Variants in SORCS1 observed in about 807,000 individuals in gnomAD.
SORCS1 encodes the protein sortilin related VPS10 domain containing receptor 1.
SORCS1 carries 60 observed loss-of-function variants against 146.1 expected under a neutral mutation model. That is an observed-to-expected ratio of 0.41 (90% CI 0.33 to 0.51). SORCS1 has a LOEUF of 0.51. Among genes scored for constraint, SORCS1 ranks in the 20% least tolerant of loss-of-function variants. The pLI is 0.21. For missense variants in SORCS1, 1,352 were observed against 1,487.6 expected, an observed-to-expected ratio of 0.91 and a Z score of 1.50; for synonymous variants, 637 against 584.0, an observed-to-expected ratio of 1.09 and a Z score of -1.31.
At position 106,577,328 on chromosome 10, in the gene SORCS1, C is replaced by T. The variant is rs144559779; in HGVS notation, c.*92G>A. 73 of 1,599,454 alleles carry T rather than the reference C, an allele frequency of 4.6e-5. No individual in the cohort carries two copies. In the African/African-American group the frequency reaches 5.1e-4, roughly 11 times the overall value. ...AGAACAACAAAGGAAAGAAAAAAAA[C>T]ACAAAGTTAGTGGTCATGAAGGATG... On this transcript the variant is annotated 3_prime_UTR_variant, in exon 26 of 26. Coordinates refer to ENST00000263054, the MANE Select transcript of SORCS1 (RefSeq NM_052918.5).
chr10:107,108,793 C>T (rs893864072), intron 1 of SORCS1, among the ~76,000 whole-genome samples: 1 of 152,140 alleles, frequency 6.6e-6, no homozygotes, highest in African/African-American at 2.4e-5. Context: ...ATCCCTTCTA[C>T]TTATGAGCCT....
At chr10:107,084,092 GTT>G (rs34590427) in intron 1 of SORCS1, among the ~76,000 whole-genome samples, 74 of 113,782 alleles carry the variant, frequency 6.5e-4, no homozygotes, top group Admixed American at 6.3e-4. Flanking sequence ...GTTGTTTTTT[GTT>G]TTTTTTTTTT....
At chr10:107,022,886 C>T (rs1489841564) in intron 1 of SORCS1, among the ~76,000 whole-genome samples, 1 of 152,184 alleles carries the variant, frequency 6.6e-6, no homozygotes, top group African/African-American at 2.4e-5. Flanking sequence ...AGCTGAAACA[C>T]ACTGGGTAAT....
chr10:106,696,069 T>C (rs1853680099), intron 9 of SORCS1, among the ~76,000 whole-genome samples: 1 of 152,238 alleles, frequency 6.6e-6, no homozygotes, highest in South Asian at 2.1e-4. Flanking sequence ...TTATACATTA[T>C]ACAGTTCACC....
chr10:106,676,551 A>G (rs913252603), intron 13 of SORCS1, among the ~76,000 whole-genome samples: 1 of 152,142 alleles, frequency 6.6e-6, no homozygotes, highest in Admixed American at 6.6e-5. Flanking sequence ...AGAATAATAT[A>G]CTGGTGAGGG....
chr10:106,588,677 C>T lies in SORCS1; in HGVS notation c.3265+8674G>A, dbSNP rs576757255. Among the ~76,000 whole-genome samples the T allele has an allele frequency of 3.9e-3, 587 of 151,544 alleles. 3 individuals carry two copies. Among genetic ancestry groups the T allele is most frequent in the Non-Finnish European group, 6.5e-3 (438 of 67,860 alleles). On this transcript the variant is annotated intron_variant, in intron 24 of 25. Transcript: ENST00000263054. ...GAGATCGAGACCATCCTGGCCAACA[C>T]GGTGAAACCCCATCTCTACTAAAAA...
chr10:107,159,162 G>T (rs562606675), intron 1 of SORCS1, among the ~76,000 whole-genome samples: 1 of 152,124 alleles, frequency 6.6e-6, no homozygotes, highest in Admixed American at 6.5e-5. Context: ...CCCCTAAACA[G>T]ATATGCATAT....
chr10:107,040,246 T>C (rs1959093888), intron 1 of SORCS1, among the ~76,000 whole-genome samples: 2 of 152,228 alleles, frequency 1.3e-5, no homozygotes, highest in African/African-American at 4.8e-5. Context: ...GGCCCAGGGT[T>C]TTGGGGTTTT....
chr10:106,796,135 C>T (rs1946543586), intron 3 of SORCS1, among the ~76,000 whole-genome samples: 1 of 152,138 alleles, frequency 6.6e-6, no homozygotes, highest in Non-Finnish European at 1.5e-5. Context: ...GCATTTTAGT[C>T]TTAAGTTTTG....
intron 3 of SORCS1, among the ~76,000 whole-genome samples, chr10:106,827,451 A>T (rs1400121310): frequency 6.6e-6 from 1 of 152,176 alleles, no homozygotes; most frequent in Non-Finnish European, 1.5e-5. Flanking sequence ...TGCCACATTT[A>T]GTACTAGAAT....
chr10:107,063,183 G>T (rs1961400987), intron 1 of SORCS1, among the ~76,000 whole-genome samples: 1 of 152,170 alleles, frequency 6.6e-6, no homozygotes, highest in South Asian at 2.1e-4. Flanking sequence ...ATGGGTATGG[G>T]TAGGTAAGGA....
chr10:106,890,508 C>T (rs1230821336), intron 2 of SORCS1, among the ~76,000 whole-genome samples: 5 of 152,028 alleles, frequency 3.3e-5, no homozygotes, highest in Non-Finnish European at 7.4e-5. Context: ...TGATCGCTAG[C>T]GATGAGTATG....
At chr10:106,623,541 G>T (rs898107099) in intron 19 of SORCS1, among the ~76,000 whole-genome samples, 1 of 151,750 alleles carries the variant, frequency 6.6e-6, no homozygotes, top group Non-Finnish European at 1.5e-5. Flanking sequence ...ACCACGCCCG[G>T]CTGAGCATTT....
intron 18 of SORCS1, among the ~76,000 whole-genome samples, chr10:106,643,266 TCA>T (rs1276565702): frequency 2.6e-5 from 4 of 152,194 alleles, no homozygotes; most frequent in Admixed American, 2.0e-4. Context: ...TGAAAAGCAC[TCA>T]CAAACTGGAA....
rs575669760 is a variant in SORCS1 at position 106,755,059 on chromosome 10, C to T, written c.959+6529G>A. 2.6e-5 allele frequency among the ~76,000 whole-genome samples: 4 copies of T among 152,290 alleles called. No individual in the cohort carries two copies. In the South Asian group the frequency reaches 8.3e-4, roughly 32 times the overall value. On this transcript the variant is annotated intron_variant, in intron 5 of 25. Transcript: ENST00000263054. ...TTCCATTGCTTTATACTAAACTTGA[C>T]TCAGATCCTAACAAACCACACTCAC... is the stretch of plus-strand genomic sequence containing the variant.
chr10:106,941,331 A>T (rs892763009), intron 2 of SORCS1, among the ~76,000 whole-genome samples: 1 of 152,182 alleles, frequency 6.6e-6, no homozygotes, highest in Non-Finnish European at 1.5e-5. Context: ...TCCACACTCA[A>T]CATCAGTGTC....
At chr10:106,795,281 GT>G (rs1014732403) in intron 3 of SORCS1, among the ~76,000 whole-genome samples, 16 of 150,834 alleles carry the variant, frequency 1.1e-4, no homozygotes, top group Admixed American at 1.3e-4. Flanking sequence ...TAATCTAGTT[GT>G]TTTTTTTTGT....
At chr10:106,975,456 C>A (rs547152620) in intron 1 of SORCS1, among the ~76,000 whole-genome samples, 1 of 152,340 alleles carries the variant, frequency 6.6e-6, no homozygotes, top group Non-Finnish European at 1.5e-5. Context: ...GGCTACAAGC[C>A]AGCCAGAAAT....
intron 3 of SORCS1, among the ~76,000 whole-genome samples, chr10:106,784,444 T>C (rs1300186068): frequency 1.3e-5 from 2 of 151,944 alleles, no homozygotes; most frequent in Non-Finnish European, 2.9e-5. Context: ...AATAATGATG[T>C]ACACATTCAA....
Sources: allele counts gnomAD v4.1 joint callset (sites outside exome capture counted in the v4.1 genomes callset), GRCh38; gene constraint gnomAD v4.1.1; transcripts MANE v1.5; gene names NCBI Gene and HGNC (gene_info 2026-07-23, HGNC 2026-07-21).